Variants in GAPVD1 observed in about 807,000 individuals in gnomAD.
GAPVD1 encodes the protein GTPase activating protein and VPS9 domains 1, also known as GTPase-activating protein and VPS9 domain-containing protein 1.
In GAPVD1, 35 loss-of-function variants were observed where a neutral mutation model predicts 155.5. That is an observed-to-expected ratio of 0.23 (90% CI 0.17 to 0.30). GAPVD1 has a LOEUF of 0.30. GAPVD1 is among the 10% of genes least tolerant of loss of function. The probability of loss-of-function intolerance (pLI) is 1.00; values close to 1 mark genes in which losing one functional copy is unlikely to be tolerated. For synonymous variants in GAPVD1, 636 were observed against 619.7 expected (o/e 1.03, Z -0.39); for missense variants, 1,429 against 1,775.7 (o/e 0.80, Z 3.51).
At chr9:125,348,445 T>G (rs545978470) in intron 20 of GAPVD1, among the ~76,000 whole-genome samples, 1 of 152,136 alleles carries the variant, frequency 6.6e-6, no homozygotes, top group Non-Finnish European at 1.5e-5. Context: ...TCTTCCTGCC[T>G]CATGCCTGTC....
intron 15 of GAPVD1, chr9:125,335,288 G>T: frequency 4.8e-6 from 3 of 623,486 alleles, no homozygotes; most frequent in South Asian, 2.0e-5. Flanking sequence ...CAAAAAATGT[G>T]TCATTCTCTT....
In GAPVD1 at chr9:125,359,527, C is replaced by T. The variant is rs2270745; in HGVS notation, c.4044+35C>T. ...GTTTATATAGCATGGGTAATGTTAA[C>T]TAAATGCTGCGTGTTATTATACCAT... On this transcript the variant is annotated intron_variant, in intron 26 of 27. Transcript: ENST00000297933. The T allele has an allele frequency of 2.5e-4, 252 of 989,098 alleles. 1 individual carries two copies. The East Asian group carries it at 5.9e-3, about 23-fold the overall frequency. 61.3% of individuals were successfully genotyped at this position (989,098 alleles called of 1,614,324 possible). A position where few individuals can be genotyped will look rare whatever the true frequency, so the allele number is the denominator to read the frequency against.
intron 25 of GAPVD1, among the ~76,000 whole-genome samples, chr9:125,358,962 C>G (rs761625626): frequency 6.6e-6 from 1 of 152,222 alleles, no homozygotes; most frequent in African/African-American, 2.4e-5. Flanking sequence ...TTAGGCAAGC[C>G]TTTTCCCTTT....
chr9:125,269,443 T>G (rs1018731877), intron 2 of GAPVD1, among the ~76,000 whole-genome samples: 2 of 152,110 alleles, frequency 1.3e-5, no homozygotes, highest in African/African-American at 4.8e-5. Context: ...TAGAATTATT[T>G]TCAACTTTAA....
rs1841010500 is a variant in GAPVD1, at chr9:125,302,205, G to A, written c.408G>A (p.Leu136=). The change falls in exon 5 of 28, where the codon CTG becomes CTA. Residue 136 remains leucine (L), a synonymous_variant. Coordinates refer to ENST00000297933, the MANE Select transcript of GAPVD1 (RefSeq NM_001282680.3). ...TTATTTACACAGTTTTTACCTCCCT[G>A]TATGGCAATTGCATCATGCAAGAAG... ...QSVIYTVFTS[L]YGNCIMQEDE... The A allele has an allele frequency of 6.2e-7, 1 of 1,613,606 alleles. No individual in the cohort carries two copies. Among genetic ancestry groups the A allele is most frequent in the African/African-American group, 1.3e-5 (1 of 74,894 alleles).
At chr9:125,307,031 C>T (rs1304708484) in intron 6 of GAPVD1, among the ~76,000 whole-genome samples, 4 of 151,730 alleles carry the variant, frequency 2.6e-5, no homozygotes, top group African/African-American at 7.3e-5. Context: ...TTTGGGAGGC[C>T]GAGGCGGGTG....
intron 19 of GAPVD1, among the ~76,000 whole-genome samples, chr9:125,345,271 C>G (rs957526809): frequency 6.6e-6 from 1 of 151,664 alleles, no homozygotes; most frequent in African/African-American, 2.4e-5. Context: ...ATCTCTATCT[C>G]CTGGGTTCAA....
intron 9 of GAPVD1, among the ~76,000 whole-genome samples, chr9:125,317,998 CATT>C (rs1315238425): frequency 6.6e-6 from 1 of 152,136 alleles, no homozygotes; most frequent in Non-Finnish European, 1.5e-5. Context: ...AAGACAAAGA[CATT>C]ATATGTTGAT....
intron 1 of GAPVD1, among the ~76,000 whole-genome samples, chr9:125,268,179 A>G (rs1432506377): frequency 1.4e-5 from 2 of 143,228 alleles, no homozygotes; most frequent in African/African-American, 5.2e-5. Context: ...AAAAACAACA[A>G]CAAACAAACA....
chr9:125,318,704 A>G (rs1843804133), intron 9 of GAPVD1, among the ~76,000 whole-genome samples: 1 of 151,872 alleles, frequency 6.6e-6, no homozygotes, highest in Non-Finnish European at 1.5e-5. Context: ...ATTGCTTGAA[A>G]CCAGAAGTTC....
chr9:125,293,880 A>ATATATAAATATATTTTATATATT (rs1839335946), intron 2 of GAPVD1, among the ~76,000 whole-genome samples: 4 of 20,396 alleles, frequency 2.0e-4, no homozygotes, highest in African/African-American at 8.2e-4. Flanking sequence ...ATATATATAT[A>ATATATAAATATATTTTATATATT]TATATATATA....
chr9:125,335,320 ATAGT>A (rs755198839), intron 15 of GAPVD1: 79 of 550,960 alleles, frequency 1.4e-4, no homozygotes, highest in Middle Eastern at 4.6e-4. Flanking sequence ...TTGGAAAATA[ATAGT>A]TATTTATTTA....
At chr9:125,323,987 G>C in intron 11 of GAPVD1, 64 bp downstream of exon 11, 1 of 1,472,380 alleles carries the variant, frequency 6.8e-7, no homozygotes, top group Non-Finnish European at 9.4e-7. Context: ...AAGATGAGCA[G>C]TGTGTTTTCA....
At chr9:125,318,415 A>T (rs1344489693) in intron 9 of GAPVD1, among the ~76,000 whole-genome samples, 1 of 152,242 alleles carries the variant, frequency 6.6e-6, no homozygotes, top group Non-Finnish European at 1.5e-5. Flanking sequence ...TTTATACTCC[A>T]GTGTGACTGA....
Position 125,330,219 on chromosome 9 carries a change from G to T in GAPVD1, c.2173+1G>T. On this transcript the variant is annotated splice_donor_variant, in intron 13 of 27. Coordinates refer to ENST00000297933, the MANE Select transcript of GAPVD1 (RefSeq NM_001282680.3). LOFTEE classifies it high-confidence loss of function. ...GTAGAGGTATTGCCAAGTGACTCAG[G>T]TTAGTATGCTGTCATTGTTTGCTTT... 1 of 1,586,086 alleles carries T rather than the reference G, an allele frequency of 6.3e-7. No homozygotes were observed. The highest frequency in any genetic ancestry group is 8.6e-7 in the Non-Finnish European group (1 of 1,166,812).
intron 17 of GAPVD1, among the ~76,000 whole-genome samples, chr9:125,338,804 T>A (rs902990382): frequency 2.6e-5 from 4 of 152,200 alleles, no homozygotes; most frequent in Non-Finnish European, 5.9e-5. Flanking sequence ...TTTACCTTTA[T>A]AATTAATAAG....
chr9:125,299,754 C>T (rs953976886), intron 4 of GAPVD1, among the ~76,000 whole-genome samples: 55 of 150,340 alleles, frequency 3.7e-4, no homozygotes, highest in Non-Finnish European at 6.9e-4. Flanking sequence ...GGTGTGGTGG[C>T]TGACACCTGT....
chr9:125,280,475 G>A (rs143074539), intron 2 of GAPVD1, among the ~76,000 whole-genome samples: 10 of 151,444 alleles, frequency 6.6e-5, no homozygotes, highest in Admixed American at 1.3e-4. Context: ...CACCTGGCAG[G>A]CCTGAAATGT....
intron 6 of GAPVD1, among the ~76,000 whole-genome samples, chr9:125,306,109 G>A (rs13294021): frequency 0.45 from 68,863 of 151,774 alleles, 16,089 homozygotes; most frequent in Middle Eastern, 0.53. Context: ...TCCCTTCCAC[G>A]TCTCATCTCT....
Sources: gnomAD v4.1 joint callset for allele counts (sites outside exome capture counted in the v4.1 genomes callset) on GRCh38, gnomAD v4.1.1 for gene constraint, MANE v1.5 for transcripts, NCBI Gene and HGNC (gene_info 2026-07-23, HGNC 2026-07-21) for gene names.